Variants in STAT6 observed in about 807,000 individuals in gnomAD.
The protein encoded by STAT6 is STAT, interleukin4-induced.
A neutral mutation model predicts 106.3 loss-of-function variants in STAT6; 45 were observed. The ratio of observed to expected loss-of-function variants is 0.42; its 90% CI spans 0.33 to 0.54. The LOEUF (loss-of-function observed/expected upper bound fraction) is 0.54, where lower values mean the gene tolerates loss of function less well. Ranked by LOEUF, STAT6 falls within the 20% of genes least tolerant of loss-of-function variation. The pLI is 0.06. For synonymous variants in STAT6, 413 were observed against 413.6 expected (o/e 1.00, Z 0.02); for missense variants, 797 against 1,062.2 (o/e 0.75, Z 3.47).
Position 57,105,454 on chromosome 12 carries a change from CT to C in STAT6, c.812+13del, listed in dbSNP as rs1314139284. ...GGTCTGTTCTAGGCCAGACTGGGAGCTCCCGGGGAATACCTGGTGACGAGGG... is the reference window on the plus strand; with the variant it reads ...GGTCTGTTCTAGGCCAGACTGGGAGCCCCGGGGAATACCTGGTGACGAGGG... On this transcript the variant is annotated intron_variant, in intron 8 of 21. Coordinates refer to ENST00000300134, the MANE Select transcript of STAT6 (RefSeq NM_003153.5). 1 of 1,613,866 alleles carries C rather than the reference CT, an allele frequency of 6.2e-7. No individual in the cohort carries two copies. Among genetic ancestry groups the C allele is most frequent in the South Asian group, 1.1e-5 (1 of 91,076 alleles).
intron 12 of STAT6, 137 bp downstream of exon 12, chr12:57,102,692 A>T: frequency 1.1e-6 from 1 of 908,124 alleles, no homozygotes; most frequent in Non-Finnish European, 1.7e-6. Context: ...GGTCAGAAGC[A>T]CGAAAGCAGG....
At chr12:57,109,915 C>T (rs1207570333) in intron 1 of STAT6, 1 of 152,210 alleles carries the variant, frequency 6.6e-6, no homozygotes, top group Non-Finnish European at 1.5e-5. Flanking sequence ...ACCCCAAGTC[C>T]TCCTGTTGCA....
chr12:57,105,629 A>T, intron 7 of STAT6, 30 bp from the exon 8 acceptor site: 1 of 1,611,930 alleles, frequency 6.2e-7, no homozygotes, highest in South Asian at 1.1e-5. Context: ...CAGGGGGCAC[A>T]GGATTAAGGC....
chr12:57,100,914 T>C (rs1354045105), intron 13 of STAT6: 2 of 454,348 alleles, frequency 4.4e-6, no homozygotes, highest in South Asian at 3.1e-5. Context: ...AAAATGGGGA[T>C]AATAATAGTA....
At chr12:57,109,593 T>C (rs2034472601) in intron 1 of STAT6, among the ~76,000 whole-genome samples, 1 of 151,070 alleles carries the variant, frequency 6.6e-6, no homozygotes, top group African/African-American at 2.4e-5. Flanking sequence ...AAAAGGAAAG[T>C]AGAGAGAACT....
At chr12:57,100,168 A>G in intron 13 of STAT6, 78 bp from the exon 14 acceptor site, 1 of 1,255,460 alleles carries the variant, frequency 8.0e-7, no homozygotes, top group African/African-American at 1.5e-5. Context: ...GTGAGCTGTG[A>G]GTGCCCTCAC....
At chr12:57,108,019 A>G in intron 2 of STAT6, 144 bp downstream of exon 2, 1 of 674,040 alleles carries the variant, frequency 1.5e-6, no homozygotes. Flanking sequence ...GATGGGGCAC[A>G]GACTCCCTGC....
intron 9 of STAT6, 103 bp from the exon 10 acceptor site, chr12:57,104,916 T>C: frequency 2.2e-6 from 3 of 1,383,778 alleles, no homozygotes; most frequent in Non-Finnish European, 3.0e-6. Context: ...GCCCTAAATC[T>C]CCATGTCTCT....
In STAT6 at chr12:57,096,635, G is replaced by C; in HGVS notation, c.2481C>G (p.Ser827=). The C allele has an allele frequency of 1.2e-6, 2 of 1,608,792 alleles. No individual in the cohort carries two copies. The highest frequency in any genetic ancestry group is 1.7e-6 in the Non-Finnish European group (2 of 1,178,266). The change falls in exon 22 of 22, where the codon TCC becomes TCG. Residue 827 remains serine (S), a synonymous_variant. Coordinates refer to ENST00000300134, the MANE Select transcript of STAT6 (RefSeq NM_003153.5). ...TTGAGATCCCAGATTGCCCATAGTG[G>C]GAGGGCTGCAGGAGGGGCTGTGCCC... ...SLGAQPLLQP[S]HYGQSGISMS...
At position 57,096,681 on chromosome 12, in the gene STAT6, TC is replaced by T. The variant is rs1304294132; in HGVS notation, c.2434del (p.Glu812SerfsTer30). The T allele has an allele frequency of 6.2e-7, 1 of 1,604,644 alleles. No individual in the cohort carries two copies. Among genetic ancestry groups the T allele is most frequent in the Non-Finnish European group, 8.5e-7 (1 of 1,177,092 alleles). On this transcript the variant is annotated frameshift_variant, in exon 22 of 22. Transcript: ENST00000300134. LOFTEE classifies it high-confidence loss of function. Reference sequence around the variant, plus strand: ...TGCCCCCAAGGACCCTCCCCCCGACTCCCCTTGCCCCTCCAGGAGAAGCTTA... The same window carrying T: ...TGCCCCCAAGGACCCTCCCCCCGACTCCCTTGCCCCTCCAGGAGAAGCTTA... ...LTKLLLEGQGESGGGSLGAQP... is the reference protein window; with the variant it reads ...LTKLLLEGQGXSGGGSLGAQP...
intron 11 of STAT6, chr12:57,104,186 C>T (rs572138419): frequency 9.3e-5 from 40 of 430,008 alleles, no homozygotes; most frequent in African/African-American, 5.0e-4. Context: ...GAAAACCAGA[C>T]GTGTGTGTGC....
intron 1 of STAT6, among the ~76,000 whole-genome samples, chr12:57,108,972 G>A (rs1336596800): frequency 2.0e-5 from 3 of 152,180 alleles, no homozygotes; most frequent in Non-Finnish European, 2.9e-5. Context: ...GCCGAGGCGG[G>A]CAGATCACGA....
chr12:57,104,328 C>G, intron 11 of STAT6, 136 bp downstream of exon 11: 1 of 1,305,180 alleles, frequency 7.7e-7, no homozygotes, highest in South Asian at 1.4e-5. Flanking sequence ...CCCACTCACC[C>G]GGGCCCCAGT....
At chr12:57,106,021 G>T (rs1456751118) in intron 7 of STAT6, 170 bp downstream of exon 7, 27 of 1,153,518 alleles carry the variant, frequency 2.3e-5, no homozygotes, top group Non-Finnish European at 3.2e-5. Flanking sequence ...ACTTGTACAG[G>T]ATGCGACCTG....
At position 57,107,638 on chromosome 12, in the gene STAT6, C is replaced by T. The variant is rs777135041; in HGVS notation, c.222G>A (p.Gly74=). Residue 74 remains glycine (G), a synonymous_variant, in exon 3 of 22, where the codon GGG becomes GGA. Transcript: ENST00000300134. ...TGCTGATGTGTTGCAAGATGGTGCT[C>T]CCCTCCCCCTGCTCTCCCACCGAGG... ...LQASVGEQGE[G]STILQHISTL... is the part of the protein sequence containing the mutation. 11 of 1,613,716 alleles carry T rather than the reference C, an allele frequency of 6.8e-6. No homozygotes were observed. The South Asian group carries it at 1.1e-4, about 16-fold the overall frequency.
chr12:57,099,678 G>T lies in STAT6; in HGVS notation c.1744+89C>A. The T allele has an allele frequency of 6.5e-7, 1 of 1,549,642 alleles. No individual in the cohort carries two copies. Among genetic ancestry groups the T allele is most frequent in the Non-Finnish European group, 8.8e-7 (1 of 1,136,622 alleles). ...GAAGAACTTCCTGAAGATCAGGATCGGCATCAGGAAGGTCAGGACATTTCA... is the reference window on the plus strand; with the variant it reads ...GAAGAACTTCCTGAAGATCAGGATCTGCATCAGGAAGGTCAGGACATTTCA... On this transcript the variant is annotated intron_variant, in intron 15 of 21. Coordinates refer to ENST00000300134, the MANE Select transcript of STAT6 (RefSeq NM_003153.5). The surrounding 1 kb of genome is among the most constrained non-coding windows in gnomAD (Gnocchi z 4.7).
intron 19 of STAT6, 71 bp from the exon 20 acceptor site, chr12:57,097,204 A>G: frequency 1.5e-6 from 2 of 1,297,818 alleles, no homozygotes; most frequent in Non-Finnish European, 2.1e-6. Flanking sequence ...AGTCAGGACC[A>G]CTGAGTGAGG....
At position 57,097,049 on chromosome 12, in the gene STAT6, GA is replaced by G; in HGVS notation, c.2225+18del. The G allele has an allele frequency of 6.4e-7, 1 of 1,574,796 alleles. No homozygotes were observed. The highest frequency in any genetic ancestry group is 2.3e-5 in the East Asian group (1 of 44,406). On this transcript the variant is annotated intron_variant, in intron 20 of 21. Coordinates refer to ENST00000300134, the MANE Select transcript of STAT6 (RefSeq NM_003153.5). ...GGAAAGAAGAGGCACATGGGGTCAG[GA>G]GGGGCTTTGTCACTCACTGGGGGTG... is the stretch of plus-strand genomic sequence containing the variant.
chr12:57,099,602 C>T lies in STAT6; in HGVS notation c.1745-162G>A, dbSNP rs1239570689. On this transcript the variant is annotated intron_variant, in intron 15 of 21. Transcript: ENST00000300134. This position sits in a 1 kb window ranked among gnomAD's most constrained non-coding sequence, Gnocchi z 4.7. ...CCCACTAGTCTCCGTTCCCACAGAG[C>T]TCACAGTGAGAAGGTGAACATTTAG... Among the ~76,000 whole-genome samples, 1 of 152,180 alleles carries T rather than the reference C, an allele frequency of 6.6e-6. No homozygotes were observed.
Sources: gnomAD v4.1 joint callset for allele counts (sites outside exome capture counted in the v4.1 genomes callset) on GRCh38, gnomAD v4.1.1 for gene constraint, Gnocchi (gnomAD v3.1) non-coding constraint, MANE v1.5 for transcripts, NCBI Gene and HGNC (gene_info 2026-07-23, HGNC 2026-07-21) for gene names.